The following CENPM variants were observed in gnomAD, a reference collection of about 807,000 sequenced individuals.
The protein encoded by CENPM is centromere protein M, also known as interphase centromere complex protein 39.
A neutral mutation model predicts 19.6 loss-of-function variants in CENPM; 14 were observed. That is an observed-to-expected ratio of 0.71 (90% CI 0.47 to 1.11). CENPM has a LOEUF of 1.11. CENPM is among the 50% of genes most tolerant of loss of function. CENPM has a pLI of 0.00. For missense variants in CENPM, 239 were observed against 228.4 expected (o/e 1.05, Z -0.30); for synonymous variants, 114 against 101.5 (o/e 1.12, Z -0.74).
At chr22:41,939,876 G>GAAAGAAAGAA (rs2077719725) in intron 5 of CENPM, among the ~76,000 whole-genome samples, 2 of 103,184 alleles carry the variant, frequency 1.9e-5, no homozygotes, top group African/African-American at 1.4e-4. Context: ...AAGAAAGAAA[G>GAAAGAAAGAA]AAAAAGAAAG....
At chr22:41,941,429 G>A (rs1031492103) in intron 5 of CENPM, among the ~76,000 whole-genome samples, 4 of 152,200 alleles carry the variant, frequency 2.6e-5, no homozygotes, top group Admixed American at 2.0e-4. Flanking sequence ...CAGGCCAAGA[G>A]AGAACCCAGG....
chr22:41,945,049 C>T (rs2077782593), intron 4 of CENPM, 176 bp downstream of exon 4: 1 of 1,460,936 alleles, frequency 6.8e-7, no homozygotes, highest in Non-Finnish European at 9.1e-7. Flanking sequence ...GCCTAGTACC[C>T]ATTAGTTATT....
At chr22:41,946,678 G>A in intron 1 of CENPM, 182 bp from the exon 2 acceptor site, 1 of 611,566 alleles carries the variant, frequency 1.6e-6, no homozygotes, top group Non-Finnish European at 2.9e-6. Flanking sequence ...TGGACCCGCT[G>A]CAGGCCTGTG....
chr22:41,946,341 C>G (rs1330353020), intron 2 of CENPM, 76 bp downstream of exon 2: 3 of 1,274,974 alleles, frequency 2.4e-6, no homozygotes, highest in East Asian at 4.8e-5. Flanking sequence ...CGCTGGGCTT[C>G]GGAGTTTAGC....
At chr22:41,946,166 C>T (rs1047009522) in intron 2 of CENPM, 161 bp from the exon 3 acceptor site, 2 of 702,860 alleles carry the variant, frequency 2.8e-6, no homozygotes, top group African/African-American at 1.8e-5. Flanking sequence ...AGCACAGAGG[C>T]AGGACAGGTC....
At chr22:41,930,699 T>C in the CENPM span, among the ~76,000 whole-genome samples, 2 of 151,642 alleles carry the variant, frequency 1.3e-5, no homozygotes, top group South Asian at 4.2e-4. Flanking sequence ...TTTGTATTTT[T>C]AGGAGAGGTG....
the CENPM span, among the ~76,000 whole-genome samples, chr22:41,927,852 G>T: frequency 6.6e-6 from 1 of 152,198 alleles, no homozygotes; most frequent in African/African-American, 2.4e-5. Flanking sequence ...TGCCCTGAGG[G>T]AATCTCACAC....
At chr22:41,943,954 G>A (rs1330169729) in intron 4 of CENPM, among the ~76,000 whole-genome samples, 1 of 152,202 alleles carries the variant, frequency 6.6e-6, no homozygotes, top group Admixed American at 6.5e-5. Context: ...TACTTGGCCT[G>A]CATTTGCTCA....
downstream of CENPM, among the ~76,000 whole-genome samples, chr22:41,937,432 A>T (rs2077688517): frequency 6.6e-6 from 1 of 152,124 alleles, no homozygotes. Flanking sequence ...AGTAGCTGGG[A>T]CTATAGGCAC....
At chr22:41,931,392 A>G in the CENPM span, among the ~76,000 whole-genome samples, 1 of 151,728 alleles carries the variant, frequency 6.6e-6, no homozygotes, top group African/African-American at 2.4e-5. Flanking sequence ...GGCAGGAAGA[A>G]TTGTTTGAAC....
At chr22:41,942,112 C>T (rs1448966154) in intron 5 of CENPM, among the ~76,000 whole-genome samples, 1 of 152,212 alleles carries the variant, frequency 6.6e-6, no homozygotes, top group African/African-American at 2.4e-5. Context: ...CGGTAACAGG[C>T]ACAAGACCCA....
intron 5 of CENPM, among the ~76,000 whole-genome samples, chr22:41,941,051 GC>G (rs2077734361): frequency 6.6e-6 from 1 of 152,158 alleles, no homozygotes; most frequent in Non-Finnish European, 1.5e-5. Flanking sequence ...TTACATGTCT[GC>G]TTATTTCATG....
chr22:41,928,949 A>G, the CENPM span, among the ~76,000 whole-genome samples: 6 of 152,076 alleles, frequency 3.9e-5, no homozygotes, highest in African/African-American at 1.4e-4. The surrounding 1 kb of genome is among the most constrained non-coding windows in gnomAD (Gnocchi z 4.0). Flanking sequence ...AGGTTCACAA[A>G]GAACCCCAGT....
At chr22:41,931,330 T>A in the CENPM span, among the ~76,000 whole-genome samples, 9 of 147,354 alleles carry the variant, frequency 6.1e-5, no homozygotes, top group South Asian at 1.7e-3. Flanking sequence ...AAAAAAAAAA[T>A]TAGCCGGGTG....
In CENPM at chr22:41,946,493, C is replaced by A. The variant is rs528182327; in HGVS notation, c.61G>T (p.Val21Leu). The stretch of plus-strand genomic sequence containing the variant: ...TGCAGAAGAGCATCCTCCGTGCCCA[C>A]CAGCTGCGCAGGGAGAGAGAGCGGA... ...PGLNTATILL[V>L]GTEDALLQQL... Residue 21 changes from valine (V) to leucine (L), a missense_variant, in exon 2 of 6, where the codon GTG (valine) becomes TTG (leucine). Coordinates refer to ENST00000215980, the MANE Select transcript of CENPM (RefSeq NM_024053.5). 5.0e-6 allele frequency: 8 copies of A among 1,613,066 alleles called. No individual in the cohort carries two copies. In the Admixed American group the frequency reaches 8.3e-5, roughly 17 times the overall value.
chr22:41,946,824 C>T, intron 1 of CENPM, 196 bp downstream of exon 1: 1 of 621,766 alleles, frequency 1.6e-6, no homozygotes, highest in Non-Finnish European at 2.9e-6. Context: ...CCGCCGAGCA[C>T]CTATTGGTGG....
At position 41,939,884 on chromosome 22, in the gene CENPM, A is replaced by AAGAAAGAAAGAAAG. The variant is rs2146604484; in HGVS notation, c.403-702_403-689dup. Among the ~76,000 whole-genome samples the AAGAAAGAAAGAAAG allele has an allele frequency of 2.0e-3, 190 of 93,468 alleles. 13 individuals are homozygous for AAGAAAGAAAGAAAG. Among genetic ancestry groups the AAGAAAGAAAGAAAG allele is most frequent in the African/African-American group, 0.011 (175 of 15,820 alleles). The allele number at this position is 93,468 out of a possible 152,430, so 61.3% of individuals were successfully genotyped here. ...AGAAAGAAAGAAAGAAAGAAAAAGA[A>AAGAAAGAAAGAAAG]AGAAAGAAAGAAAGAAAGAAAGAGC... On this transcript the variant is annotated intron_variant, in intron 5 of 5. Coordinates refer to ENST00000215980, the MANE Select transcript of CENPM (RefSeq NM_024053.5).
At chr22:41,935,279 TG>T (rs893097045), downstream of CENPM, among the ~76,000 whole-genome samples, 3 of 151,912 alleles carry the variant, frequency 2.0e-5, no homozygotes, top group Admixed American at 6.6e-5. Flanking sequence ...CATGCGGGCA[TG>T]GGGGGGAGGG....
the CENPM span, among the ~76,000 whole-genome samples, chr22:41,932,921 G>T: frequency 3.3e-5 from 5 of 152,350 alleles, no homozygotes; most frequent in East Asian, 9.6e-4. The surrounding 1 kb of genome is among the most constrained non-coding windows in gnomAD (Gnocchi z 4.3). Context: ...AGCTGTTTTG[G>T]GTTCTGGGGA....
Sources: gnomAD v4.1 joint callset for allele counts (sites outside exome capture counted in the v4.1 genomes callset) on GRCh38, gnomAD v4.1.1 for gene constraint, Gnocchi (gnomAD v3.1) non-coding constraint, MANE v1.5 for transcripts, NCBI Gene and HGNC (gene_info 2026-07-23, HGNC 2026-07-21) for gene names.